CORO2B: variants seen among roughly 807,000 people sequenced by gnomAD.
The protein encoded by CORO2B is coronin-2B.
A neutral mutation model predicts 58.8 loss-of-function variants in CORO2B; 26 were observed. The ratio of observed to expected loss-of-function variants is 0.44; its 90% CI spans 0.32 to 0.61. The LOEUF is 0.61. CORO2B is among the 20% of genes least tolerant of loss of function. CORO2B has a pLI of 0.04. For missense variants in CORO2B, 460 were observed against 645.1 expected (o/e 0.71, Z 3.11); for synonymous variants, 242 against 253.8 (o/e 0.95, Z 0.44).
intron 1 of CORO2B, among the ~76,000 whole-genome samples, chr15:68,608,634 C>T (rs375572213): frequency 6.6e-6 from 1 of 152,232 alleles, no homozygotes. Context: ...AGGGAACATA[C>T]TCCCCTCTGC....
rs370925588 is a variant in CORO2B, at chr15:68,608,135, G to A, written c.15+28858G>A. On this transcript the variant is annotated intron_variant, in intron 1 of 11. Transcript: ENST00000261861. Reference sequence around the variant, plus strand: ...CACCTTTCCTGCTACCTACCTCTGGGGCAAGGTTTCCTTCCCTTGCACTTA... The same window carrying A: ...CACCTTTCCTGCTACCTACCTCTGGAGCAAGGTTTCCTTCCCTTGCACTTA... 9.2e-5 allele frequency among the ~76,000 whole-genome samples: 14 copies of A among 152,348 alleles called. No homozygotes were observed. In the East Asian group the frequency reaches 2.5e-3, roughly 27 times the overall value.
At chr15:68,576,653 A>T (rs1271705205), upstream of CORO2B, among the ~76,000 whole-genome samples, 1 of 152,152 alleles carries the variant, frequency 6.6e-6, no homozygotes, top group African/African-American at 2.4e-5. Context: ...AGGGCCCTGG[A>T]AAGGTCTTGA....
rs552258847 is a variant in CORO2B at position 68,687,755 on chromosome 15, C to T, written c.217-7385C>T. Among the ~76,000 whole-genome samples the T allele has an allele frequency of 5.3e-5, 8 of 152,368 alleles. No homozygotes were observed. In the East Asian group the frequency reaches 1.5e-3, roughly 29 times the overall value. ...CACGATGCAGGCATCTGGCAACGGC[C>T]TTCCTGCTATGACATCCCATGGCAG... On this transcript the variant is annotated intron_variant, in intron 2 of 11. Coordinates refer to ENST00000261861, the MANE Select transcript of CORO2B (RefSeq NM_006091.5).
chr15:68,539,413 C>T, the CORO2B span, among the ~76,000 whole-genome samples: 2 of 152,200 alleles, frequency 1.3e-5, no homozygotes, highest in Non-Finnish European at 2.9e-5. Context: ...TGGCTCACAC[C>T]TGTAATCCCA....
chr15:68,531,546 A>C, the CORO2B span, among the ~76,000 whole-genome samples: 5 of 68,576 alleles, frequency 7.3e-5, no homozygotes, highest in African/African-American at 2.0e-4. Context: ...GAAGGAAGGA[A>C]GGAAGGAAGG....
Position 68,726,377 on chromosome 15 carries a change from G to A in CORO2B, c.*403G>A, listed in dbSNP as rs755530055. 1.5e-4 allele frequency: 41 copies of A among 270,452 alleles called. No homozygotes were observed. The highest frequency in any genetic ancestry group is 4.1e-4 in the South Asian group (12 of 29,238). 16.8% of individuals were successfully genotyped at this position (270,452 alleles called of 1,614,324 possible). On this transcript the variant is annotated 3_prime_UTR_variant, in exon 12 of 12. Transcript: ENST00000261861. ...GCTGCCAGGACATCTCAGCACTCCC[G>A]CCTGGAGCTCTCAGCATCACTGAAG...
At chr15:68,542,267 GTACT>G in the CORO2B span, among the ~76,000 whole-genome samples, 1 of 152,324 alleles carries the variant, frequency 6.6e-6, no homozygotes, top group South Asian at 2.1e-4. Context: ...CTCGTTTGCA[GTACT>G]TTGCCAAATG....
chr15:68,576,856 A>G (rs564766443), upstream of CORO2B, among the ~76,000 whole-genome samples: 32 of 152,162 alleles, frequency 2.1e-4, no homozygotes, highest in East Asian at 6.2e-3. Context: ...AGCTCCTACT[A>G]TGTGCCCAGG....
At chr15:68,585,972 C>T (rs1402953826) in intron 1 of CORO2B, among the ~76,000 whole-genome samples, 1 of 152,238 alleles carries the variant, frequency 6.6e-6, no homozygotes, top group Admixed American at 6.5e-5. Flanking sequence ...ACGCAGGTCC[C>T]TGGTCCAGGC....
At chr15:68,541,503 G>A in the CORO2B span, among the ~76,000 whole-genome samples, 5 of 152,010 alleles carry the variant, frequency 3.3e-5, no homozygotes, top group Admixed American at 6.5e-5. Context: ...TACAACACAA[G>A]GTGATAATAA....
At chr15:68,666,389 T>G (rs1192199209) in intron 2 of CORO2B, among the ~76,000 whole-genome samples, 1 of 152,150 alleles carries the variant, frequency 6.6e-6, no homozygotes, top group Non-Finnish European at 1.5e-5. Flanking sequence ...AGGGTGATTC[T>G]CAGATGAGAG....
the CORO2B span, among the ~76,000 whole-genome samples, chr15:68,541,542 C>T: frequency 6.6e-5 from 10 of 152,180 alleles, no homozygotes; most frequent in Non-Finnish European, 1.2e-4. Flanking sequence ...TATATCACTG[C>T]AGTCAATACC....
chr15:68,700,837 AG>A lies in CORO2B; in HGVS notation c.333+5584del, dbSNP rs1192412531. On this transcript the variant is annotated intron_variant, in intron 3 of 11. Transcript: ENST00000261861. Reference sequence around the variant, plus strand: ...GAGAGGTTTCTGTCATCTTAAGGAGAGGGAGAGAGCGATCCCAGGAGAGAGG... The same window carrying A: ...GAGAGGTTTCTGTCATCTTAAGGAGAGGAGAGAGCGATCCCAGGAGAGAGG... Among the ~76,000 whole-genome samples, 4 of 151,944 alleles carry A rather than the reference AG, an allele frequency of 2.6e-5. No individual in the cohort carries two copies. In the East Asian group the frequency reaches 7.7e-4, roughly 29 times the overall value.
At chr15:68,594,802 A>G (rs1899787133) in intron 1 of CORO2B, among the ~76,000 whole-genome samples, 1 of 152,112 alleles carries the variant, frequency 6.6e-6, no homozygotes, top group Non-Finnish European at 1.5e-5. Flanking sequence ...AGCCCTTTCA[A>G]CCTCTTGCCT....
At chr15:68,633,452 C>A (rs1365338661) in intron 1 of CORO2B, among the ~76,000 whole-genome samples, 1 of 151,424 alleles carries the variant, frequency 6.6e-6, no homozygotes, top group Non-Finnish European at 1.5e-5. Flanking sequence ...GTTTCTAGAC[C>A]CTCAGCTGGT....
the CORO2B span, among the ~76,000 whole-genome samples, chr15:68,556,340 G>C: frequency 6.6e-6 from 1 of 152,128 alleles, no homozygotes; most frequent in African/African-American, 2.4e-5. Context: ...AGAACAGCTG[G>C]GTGGCGTCAT....
At chr15:68,621,292 G>A (rs1483425720) in intron 1 of CORO2B, among the ~76,000 whole-genome samples, 1 of 152,226 alleles carries the variant, frequency 6.6e-6, no homozygotes, top group African/African-American at 2.4e-5. Flanking sequence ...GCTAGGGGAA[G>A]CAGACACATA....
the CORO2B span, among the ~76,000 whole-genome samples, chr15:68,562,599 A>G: frequency 6.6e-6 from 1 of 152,226 alleles, no homozygotes; most frequent in Non-Finnish European, 1.5e-5. Flanking sequence ...CAAAAAAATT[A>G]CTCATTGTTT....
intron 3 of CORO2B, among the ~76,000 whole-genome samples, chr15:68,703,120 C>T (rs1892696808): frequency 6.7e-6 from 1 of 150,008 alleles, no homozygotes; most frequent in African/African-American, 2.4e-5. Context: ...GCCATTGTGC[C>T]CAGCCCAGAA....
Sources: allele counts gnomAD v4.1 joint callset (sites outside exome capture counted in the v4.1 genomes callset), GRCh38; gene constraint gnomAD v4.1.1; transcripts MANE v1.5; gene names NCBI Gene and HGNC (gene_info 2026-07-23, HGNC 2026-07-21).